Variants in FPR3 observed in about 807,000 individuals in gnomAD.
FPR3 encodes N-formyl peptide receptor 3.
For synonymous variants in FPR3, 135 were observed against 163.6 expected (o/e 0.83, Z 1.34); for missense variants, 346 against 443.2 (o/e 0.78, Z 1.97).
intron 1 of FPR3, among the ~76,000 whole-genome samples, chr19:51,821,411 T>G (rs1261698856): frequency 2.6e-5 from 4 of 152,160 alleles, no homozygotes; most frequent in Non-Finnish European, 5.9e-5. Flanking sequence ...GAGTTGCTAC[T>G]AGCATCGGTG....
At chr19:51,798,486 G>T (rs567663581) in intron 1 of FPR3, among the ~76,000 whole-genome samples, 2 of 152,292 alleles carry the variant, frequency 1.3e-5, no homozygotes, top group Admixed American at 6.5e-5. Flanking sequence ...TAGGAAAAAA[G>T]AAGGAAATGA....
intron 1 of FPR3, among the ~76,000 whole-genome samples, chr19:51,797,874 A>ATTTTTTTTTTT (rs1161472789): frequency 5.6e-5 from 2 of 35,716 alleles, no homozygotes; most frequent in Non-Finnish European, 1.1e-4. Context: ...TTCCATGTCT[A>ATTTTTTTTTTT]TTCTTTTTTT....
intron 1 of FPR3, among the ~76,000 whole-genome samples, chr19:51,813,644 C>A (rs2084113848): frequency 6.6e-6 from 1 of 152,060 alleles, no homozygotes; most frequent in South Asian, 2.1e-4. Context: ...CATTTTCCCA[C>A]CTCAGCCTCC....
chr19:51,823,529 G>A (rs2084206190), intron 1 of FPR3, among the ~76,000 whole-genome samples: 1 of 152,124 alleles, frequency 6.6e-6, no homozygotes. Context: ...AGCTTGATAG[G>A]TGGCATGCAT....
At chr19:51,799,058 G>C (rs1049697856) in intron 1 of FPR3, among the ~76,000 whole-genome samples, 1 of 151,664 alleles carries the variant, frequency 6.6e-6, no homozygotes, top group African/African-American at 2.4e-5. Context: ...AGTGAGCCGA[G>C]ATCACACCGC....
chr19:51,808,121 T>A (rs2084072643), intron 1 of FPR3, among the ~76,000 whole-genome samples: 1 of 152,218 alleles, frequency 6.6e-6, no homozygotes. Flanking sequence ...CCTCTTTAGT[T>A]AGTTGCTGCA....
intron 1 of FPR3, among the ~76,000 whole-genome samples, chr19:51,819,972 G>C (rs187897820): frequency 6.3e-4 from 96 of 152,330 alleles, no homozygotes; most frequent in Non-Finnish European, 1.8e-4. Context: ...CAAATGTAAA[G>C]AGGGAAGTCA....
At chr19:51,808,783 G>A (rs1449376398) in intron 1 of FPR3, among the ~76,000 whole-genome samples, 1 of 152,224 alleles carries the variant, frequency 6.6e-6, no homozygotes, top group African/African-American at 2.4e-5. Flanking sequence ...CTTAAATCAT[G>A]TAGTAGTCGC....
At chr19:51,821,790 C>A (rs1387603382) in intron 1 of FPR3, among the ~76,000 whole-genome samples, 2 of 151,012 alleles carry the variant, frequency 1.3e-5, no homozygotes, top group South Asian at 2.1e-4. Context: ...AAAAAAAAAA[C>A]CTACAAAAAC....
intron 1 of FPR3, among the ~76,000 whole-genome samples, chr19:51,798,319 G>T (rs1308748795): frequency 1.3e-5 from 2 of 152,008 alleles, no homozygotes; most frequent in African/African-American, 4.8e-5. Context: ...TCTGGATAGC[G>T]GCCAGGGGTG....
At chr19:51,819,497 G>GAA (rs75444884) in intron 1 of FPR3, among the ~76,000 whole-genome samples, 2 of 151,780 alleles carry the variant, frequency 1.3e-5, no homozygotes, top group African/African-American at 4.8e-5. Context: ...TTATGATATG[G>GAA]AAAAAAAATG....
At chr19:51,821,200 G>A (rs2084185823) in intron 1 of FPR3, among the ~76,000 whole-genome samples, 1 of 152,164 alleles carries the variant, frequency 6.6e-6, no homozygotes, top group South Asian at 2.1e-4. Flanking sequence ...TTCTGCAGAG[G>A]AGAAAACTGA....
intron 1 of FPR3, among the ~76,000 whole-genome samples, chr19:51,807,886 C>T (rs905861613): frequency 1.3e-5 from 2 of 152,182 alleles, no homozygotes; most frequent in African/African-American, 4.8e-5. Context: ...CCCATAGTCA[C>T]AATTTGTGTA....
chr19:51,798,968 T>C (rs1175966468), intron 1 of FPR3, among the ~76,000 whole-genome samples: 6 of 151,906 alleles, frequency 3.9e-5, no homozygotes, highest in Non-Finnish European at 8.8e-5. Flanking sequence ...TACAAAAAAT[T>C]AGCCGGGCGT....
chr19:51,800,046 A>C (rs180738455), intron 1 of FPR3, among the ~76,000 whole-genome samples: 136 of 152,320 alleles, frequency 8.9e-4, no homozygotes, highest in African/African-American at 3.0e-3. Context: ...GTGAAGTTGA[A>C]GAGGATGACA....
At chr19:51,821,972 A>G (rs1302982299) in intron 1 of FPR3, among the ~76,000 whole-genome samples, 1 of 152,232 alleles carries the variant, frequency 6.6e-6, no homozygotes, top group Non-Finnish European at 1.5e-5. Flanking sequence ...AAATCACTGT[A>G]GCTTTTACAC....
intron 1 of FPR3, among the ~76,000 whole-genome samples, chr19:51,800,463 T>C (rs1599829088): frequency 6.6e-6 from 1 of 151,968 alleles, no homozygotes; most frequent in Non-Finnish European, 1.5e-5. Context: ...CAGGCCTGGG[T>C]GGGAGAGGTC....
At position 51,824,573 on chromosome 19, in the gene FPR3, C is replaced by G; in HGVS notation, c.825C>G (p.Gly275=). The part of the protein sequence containing the change: ...AVWLKEMLLN[G]KYKIILVLIN... ...GGCTCAAAGAGATGTTGTTAAATGG[C>G]AAATACAAAATCATTCTTGTCCTGA... Residue 275 remains glycine, a synonymous_variant, in exon 2 of 2, where the codon GGC becomes GGG. Transcript: ENST00000339223. The surrounding 1 kb of genome is among the most constrained non-coding windows in gnomAD (Gnocchi z 4.7). 1 of 1,614,142 alleles carries G rather than the reference C, an allele frequency of 6.2e-7. No homozygotes were observed. Among genetic ancestry groups the G allele is most frequent in the Non-Finnish European group, 8.5e-7 (1 of 1,180,002 alleles).
rs1038611053 is a variant in FPR3 at position 51,825,122 on chromosome 19, C to G, written c.*312C>G. 1 of 279,564 alleles carries G rather than the reference C, an allele frequency of 3.6e-6. No homozygotes were observed. Among genetic ancestry groups the G allele is most frequent in the African/African-American group, 2.2e-5 (1 of 45,030 alleles). 17.3% of individuals were successfully genotyped at this position (279,564 alleles called of 1,614,324 possible). A position where few individuals can be genotyped will look rare whatever the true frequency, so the allele number is the denominator to read the frequency against. ...AAATCCAGGCTTCTGAAACTTCGGACCAACCAGCTTCAATCAGGGTTCCCA... is the reference window on the plus strand; with the variant it reads ...AAATCCAGGCTTCTGAAACTTCGGAGCAACCAGCTTCAATCAGGGTTCCCA... On this transcript the variant is annotated 3_prime_UTR_variant, in exon 2 of 2. Coordinates refer to ENST00000339223, the MANE Select transcript of FPR3 (RefSeq NM_002030.5).
Sources: gnomAD v4.1 joint callset for allele counts (sites outside exome capture counted in the v4.1 genomes callset) on GRCh38, gnomAD v4.1.1 for gene constraint, Gnocchi (gnomAD v3.1) non-coding constraint, MANE v1.5 for transcripts, NCBI Gene and HGNC (gene_info 2026-07-23, HGNC 2026-07-21) for gene names.